VAV3: variants seen among roughly 807,000 people sequenced by gnomAD.
The protein encoded by VAV3 is guanine nucleotide exchange factor VAV3.
In VAV3, 94 loss-of-function variants were observed where a neutral mutation model predicts 131.2. The observed-to-expected ratio is 0.72, with a 90% CI of 0.61 to 0.85. The LOEUF is 0.85. VAV3 is among the 40% of genes least tolerant of loss of function. VAV3 has a pLI of 0.00. For missense variants in VAV3, 939 were observed against 1,002.7 expected (o/e 0.94, Z 0.86); for synonymous variants, 349 against 342.0 (o/e 1.02, Z -0.22).
At chr1:107,825,958 G>C (rs993987597) in intron 2 of VAV3, among the ~76,000 whole-genome samples, 1 of 152,042 alleles carries the variant, frequency 6.6e-6, no homozygotes, top group African/African-American at 2.4e-5. Context: ...TAGGCAACCT[G>C]GAGGAAAGGA....
At chr1:107,917,277 C>A (rs527386641) in intron 1 of VAV3, among the ~76,000 whole-genome samples, 1 of 152,258 alleles carries the variant, frequency 6.6e-6, no homozygotes, top group East Asian at 1.9e-4. Flanking sequence ...CCCCTCATGA[C>A]ACACTGGAAA....
chr1:107,806,419 T>TTGCTGG (rs145760320), intron 2 of VAV3, among the ~76,000 whole-genome samples: 22,889 of 151,914 alleles, frequency 0.15, 1,988 homozygotes, highest in East Asian at 0.29. Context: ...TTCTGGGATA[T>TTGCTGG]TGTTAGTCTT....
intron 2 of VAV3, among the ~76,000 whole-genome samples, chr1:107,874,347 A>T (rs1233480083): frequency 6.6e-6 from 1 of 152,216 alleles, no homozygotes; most frequent in Non-Finnish European, 1.5e-5. Context: ...GAAATCCAAC[A>T]AATATCTGCT....
chr1:107,939,201 C>T (rs1234703091), intron 1 of VAV3, among the ~76,000 whole-genome samples: 2 of 152,198 alleles, frequency 1.3e-5, no homozygotes, highest in Non-Finnish European at 2.9e-5. Context: ...AAATATAAAC[C>T]TTAGTTTTCC....
chr1:107,822,951 C>T (rs550921630), intron 2 of VAV3, among the ~76,000 whole-genome samples: 25 of 151,828 alleles, frequency 1.6e-4, no homozygotes, highest in African/African-American at 5.6e-4. Flanking sequence ...GACAAGTAAG[C>T]AAATAAACAG....
chr1:107,781,653 G>T (rs1665698309), intron 2 of VAV3, among the ~76,000 whole-genome samples: 1 of 152,154 alleles, frequency 6.6e-6, no homozygotes, highest in Non-Finnish European at 1.5e-5. Flanking sequence ...CTAATTTACT[G>T]ACCCCAAAAT....
intron 10 of VAV3, 92 bp from the exon 11 acceptor site, chr1:107,757,421 G>C (rs776378501): frequency 9.2e-6 from 10 of 1,090,712 alleles, no homozygotes; most frequent in Non-Finnish European, 1.3e-5. Flanking sequence ...CATTATTATT[G>C]GTTTTCTCTC....
At chr1:107,936,331 A>G (rs938291996) in intron 1 of VAV3, among the ~76,000 whole-genome samples, 3 of 152,232 alleles carry the variant, frequency 2.0e-5, no homozygotes, top group Non-Finnish European at 4.4e-5. Flanking sequence ...TATTTAATAT[A>G]TAAATTAGTT....
intron 1 of VAV3, among the ~76,000 whole-genome samples, chr1:107,937,411 C>A (rs1469115636): frequency 6.6e-6 from 1 of 152,188 alleles, no homozygotes; most frequent in Admixed American, 6.5e-5. Context: ...TCCATCTCTG[C>A]CTGCCAAATA....
chr1:107,717,242 T>C (rs1661162127), intron 15 of VAV3, among the ~76,000 whole-genome samples: 1 of 152,212 alleles, frequency 6.6e-6, no homozygotes, highest in Admixed American at 6.5e-5. Context: ...TTTCCTTTAG[T>C]TCTGCTCTAA....
At chr1:107,625,254 C>CTTT (rs11331254) in intron 20 of VAV3, among the ~76,000 whole-genome samples, 7 of 124,356 alleles carry the variant, frequency 5.6e-5, no homozygotes, top group African/African-American at 5.7e-5. Flanking sequence ...GTAATTTAAT[C>CTTT]TTTTTTTTTT....
chr1:107,579,938 C>T (rs1456519829), intron 25 of VAV3, among the ~76,000 whole-genome samples: 2 of 152,356 alleles, frequency 1.3e-5, no homozygotes, highest in Middle Eastern at 3.4e-3. Context: ...CTGACCTTAA[C>T]TTCCCTGTCT....
chr1:107,747,749 G>A (rs928447097), intron 15 of VAV3, among the ~76,000 whole-genome samples: 1 of 152,154 alleles, frequency 6.6e-6, no homozygotes, highest in Non-Finnish European at 1.5e-5. Context: ...CTTTCATTAT[G>A]CAGCCAGTTC....
At chr1:107,650,559 AT>A (rs1044287083) in intron 19 of VAV3, among the ~76,000 whole-genome samples, 5 of 148,596 alleles carry the variant, frequency 3.4e-5, no homozygotes, top group African/African-American at 9.9e-5. Flanking sequence ...TTATTTATTT[AT>A]TTATTATTAT....
chr1:107,838,404 C>T lies in VAV3; in HGVS notation c.321+36497G>A, dbSNP rs551190363. Among the ~76,000 whole-genome samples the T allele has an allele frequency of 2.8e-4, 43 of 152,288 alleles. 1 individual carries two copies. In the South Asian group the frequency reaches 8.9e-3, roughly 32 times the overall value. On this transcript the variant is annotated intron_variant, in intron 2 of 26. Coordinates refer to ENST00000370056, the MANE Select transcript of VAV3 (RefSeq NM_006113.5). Reference sequence around the variant, plus strand: ...CATCAAAACCAGAATGAGATACAAACTCACATCTGGTCAGGGTGGCTTTTA... The same window carrying T: ...CATCAAAACCAGAATGAGATACAAATTCACATCTGGTCAGGGTGGCTTTTA...
At chr1:107,722,840 C>CTCTCTTTTT (rs371987024) in intron 15 of VAV3, among the ~76,000 whole-genome samples, 3 of 129,812 alleles carry the variant, frequency 2.3e-5, no homozygotes, top group African/African-American at 2.9e-5. Flanking sequence ...ATTATCCTCT[C>CTCTCTTTTT]TTTTTTTTTT....
At chr1:107,603,647 C>T (rs1652037630) in intron 22 of VAV3, among the ~76,000 whole-genome samples, 1 of 151,810 alleles carries the variant, frequency 6.6e-6, no homozygotes, top group South Asian at 2.1e-4. Flanking sequence ...TTCATTCGTC[C>T]ACAATTTTGA....
chr1:107,770,582 T>C (rs1333959591), intron 6 of VAV3, 54 bp downstream of exon 6: 2 of 1,125,116 alleles, frequency 1.8e-6, no homozygotes, highest in Non-Finnish European at 2.7e-6. Context: ...GAGTCTAATA[T>C]ATTAACTATA....
At chr1:107,717,073 T>C (rs1433229187) in intron 15 of VAV3, among the ~76,000 whole-genome samples, 1 of 152,196 alleles carries the variant, frequency 6.6e-6, no homozygotes, top group African/African-American at 2.4e-5. Context: ...TTCTGTGGGA[T>C]CGATGGTGAT....
Sources: allele counts gnomAD v4.1 joint callset (sites outside exome capture counted in the v4.1 genomes callset), GRCh38; gene constraint gnomAD v4.1.1; transcripts MANE v1.5; gene names NCBI Gene and HGNC (gene_info 2026-07-23, HGNC 2026-07-21).